NEK11: variants seen among roughly 807,000 people sequenced by gnomAD.
NEK11 encodes serine/threonine-protein kinase Nek11.
A neutral mutation model predicts 80.7 loss-of-function variants in NEK11; 72 were observed. The ratio of observed to expected loss-of-function variants is 0.89; its 90% CI spans 0.74 to 1.08. The LOEUF (loss-of-function observed/expected upper bound fraction) is 1.08. Ranked by LOEUF, NEK11 falls within the 50% of genes least tolerant of loss-of-function variation. The probability of loss-of-function intolerance (pLI) is 0.00; values close to 1 mark genes in which losing one functional copy is unlikely to be tolerated. For synonymous variants in NEK11, 251 were observed against 260.7 expected, an observed-to-expected ratio of 0.96 and a Z score of 0.36; for missense variants, 764 against 763.6, an observed-to-expected ratio of 1.00 and a Z score of -0.01.
intron 3 of NEK11, among the ~76,000 whole-genome samples, chr3:131,058,137 A>G (rs2069989622): frequency 6.6e-6 from 1 of 152,210 alleles, no homozygotes; most frequent in South Asian, 2.1e-4. Flanking sequence ...ACCATTTATT[A>G]AATAGGGAAT....
intron 10 of NEK11, 50 bp downstream of exon 10, chr3:131,155,171 T>A (rs1299603094): frequency 4.2e-6 from 5 of 1,189,870 alleles, no homozygotes; most frequent in Non-Finnish European, 3.8e-6. Context: ...AAATGTTAAA[T>A]GTATTTGTCT....
At chr3:131,059,751 G>C (rs2070454783) in intron 3 of NEK11, among the ~76,000 whole-genome samples, 1 of 152,124 alleles carries the variant, frequency 6.6e-6, no homozygotes, top group Admixed American at 6.6e-5. Flanking sequence ...CCACCATCTT[G>C]CACCTCTTTC....
At chr3:131,241,213 G>T (rs1268260722) in intron 15 of NEK11, among the ~76,000 whole-genome samples, 1 of 152,032 alleles carries the variant, frequency 6.6e-6, no homozygotes, top group Non-Finnish European at 1.5e-5. Context: ...AAAGAGGAGG[G>T]TTTCTAAATT....
chr3:131,323,467 TTCTA>T (rs150890908), intron 17 of NEK11, among the ~76,000 whole-genome samples: 8,246 of 152,228 alleles, frequency 0.054, 714 homozygotes, highest in African/African-American at 0.19. Flanking sequence ...CCTGGTCTCT[TTCTA>T]TCTATCTCCA....
intron 5 of NEK11, among the ~76,000 whole-genome samples, chr3:131,111,178 A>G (rs909691252): frequency 7.9e-5 from 12 of 152,170 alleles, no homozygotes; most frequent in African/African-American, 2.9e-4. Flanking sequence ...TAAGAACCCA[A>G]ATATTTTTGA....
chr3:131,338,274 T>G (rs1275205164), intron 17 of NEK11, among the ~76,000 whole-genome samples: 2 of 147,848 alleles, frequency 1.4e-5, no homozygotes, highest in African/African-American at 5.0e-5. Flanking sequence ...TGGTTTTTTT[T>G]TTTTTTTTTT....
intron 17 of NEK11, among the ~76,000 whole-genome samples, chr3:131,282,026 C>G (rs2096403526): frequency 6.6e-6 from 1 of 152,182 alleles, no homozygotes; most frequent in Non-Finnish European, 1.5e-5. Context: ...GCTGAGATAT[C>G]CAACACAGCT....
At chr3:131,263,822 G>T (rs1045273449) in intron 16 of NEK11, among the ~76,000 whole-genome samples, 1 of 152,146 alleles carries the variant, frequency 6.6e-6, no homozygotes, top group African/African-American at 2.4e-5. Flanking sequence ...CTAGTTTACA[G>T]TCCCACCAAC....
intron 17 of NEK11, among the ~76,000 whole-genome samples, chr3:131,279,945 G>T (rs1415265175): frequency 1.3e-5 from 2 of 152,222 alleles, no homozygotes; most frequent in Non-Finnish European, 2.9e-5. Context: ...AGGCTGAACT[G>T]CTGGTTTCCC....
At chr3:131,034,825 A>G (rs2065403592) in intron 3 of NEK11, among the ~76,000 whole-genome samples, 1 of 152,364 alleles carries the variant, frequency 6.6e-6, no homozygotes, top group South Asian at 2.1e-4. Flanking sequence ...TATACAGTAC[A>G]AGACAATGCT....
chr3:131,296,803 C>G (rs991821146), intron 17 of NEK11, among the ~76,000 whole-genome samples: 7 of 151,598 alleles, frequency 4.6e-5, no homozygotes, highest in Admixed American at 1.3e-4. Context: ...TAATGCTATC[C>G]CTCCCCACTC....
chr3:131,152,014 C>A (rs1460072932), intron 7 of NEK11, among the ~76,000 whole-genome samples: 1 of 152,112 alleles, frequency 6.6e-6, no homozygotes, highest in African/African-American at 2.4e-5. Context: ...AATTATCAAA[C>A]TGCCTTAGGA....
At chr3:131,058,288 G>T (rs1381806172) in intron 3 of NEK11, among the ~76,000 whole-genome samples, 3 of 152,150 alleles carry the variant, frequency 2.0e-5, no homozygotes, top group African/African-American at 7.2e-5. Context: ...TTTGGTTACT[G>T]TAGCCTTGTA....
chr3:131,165,695 G>A (rs1000907898), intron 12 of NEK11, among the ~76,000 whole-genome samples, 176 bp downstream of exon 12: 2 of 152,132 alleles, frequency 1.3e-5, no homozygotes, highest in African/African-American at 2.4e-5. Flanking sequence ...GATTCAAAGC[G>A]GCTGTAGCGA....
intron 5 of NEK11, among the ~76,000 whole-genome samples, chr3:131,124,971 A>C (rs1235332246): frequency 1.3e-5 from 2 of 152,146 alleles, no homozygotes. Flanking sequence ...ATAGTAGTAT[A>C]GTGCTTAGGA....
At chr3:131,064,841 C>T (rs986235264) in intron 3 of NEK11, among the ~76,000 whole-genome samples, 7 of 151,980 alleles carry the variant, frequency 4.6e-5, no homozygotes, top group Non-Finnish European at 7.4e-5. Context: ...TTTTCAACCC[C>T]TTGCAGGGCA....
intron 15 of NEK11, among the ~76,000 whole-genome samples, chr3:131,234,463 T>G (rs752227775): frequency 6.6e-6 from 1 of 152,246 alleles, no homozygotes; most frequent in Non-Finnish European, 1.5e-5. Flanking sequence ...CGATCATTTT[T>G]CCATTAGCAT....
At chr3:131,343,866 G>A (rs1049004096) in intron 17 of NEK11, among the ~76,000 whole-genome samples, 2 of 152,166 alleles carry the variant, frequency 1.3e-5, no homozygotes, top group African/African-American at 2.4e-5. Context: ...CTAGGCCTCT[G>A]GGCCTGTCAT....
chr3:131,321,740 G>C (rs1358056714), intron 17 of NEK11, among the ~76,000 whole-genome samples: 1 of 152,110 alleles, frequency 6.6e-6, no homozygotes, highest in African/African-American at 2.4e-5. Flanking sequence ...ATGAAAACAT[G>C]CTCAACATCA....
Sources: gnomAD v4.1 joint callset for allele counts (sites outside exome capture counted in the v4.1 genomes callset) on GRCh38, gnomAD v4.1.1 for gene constraint, MANE v1.5 for transcripts, NCBI Gene and HGNC (gene_info 2026-07-23, HGNC 2026-07-21) for gene names.